Variants in SLC5A11 observed in about 807,000 individuals in gnomAD.
SLC5A11 encodes the protein sodium/myo-inositol cotransporter 2.
In SLC5A11, 48 loss-of-function variants were observed where a neutral mutation model predicts 69.8. The ratio of observed to expected loss-of-function variants is 0.69; its 90% CI spans 0.55 to 0.87. The LOEUF is 0.87. Ranked by LOEUF, SLC5A11 falls within the 40% of genes least tolerant of loss-of-function variation. The pLI, the probability that SLC5A11 is intolerant of heterozygous loss-of-function variation, is 0.00. For missense variants in SLC5A11, 784 were observed against 866.1 expected, an observed-to-expected ratio of 0.91 and a Z score of 1.19; for synonymous variants, 319 against 342.4, an observed-to-expected ratio of 0.93 and a Z score of 0.75.
At chr16:24,910,505 CAAG>C (rs753704297) in intron 15 of SLC5A11, 28 bp downstream of exon 16, 20 of 1,607,474 alleles carry the variant, frequency 1.2e-5, no homozygotes, top group Non-Finnish European at 1.6e-5. Flanking sequence ...TCAGTTACAG[CAAG>C]AAGGAGTACG....
chr16:24,907,269 C>A, intron 12 of SLC5A11, 94 bp downstream of exon 13: 2 of 1,423,234 alleles, frequency 1.4e-6, no homozygotes, highest in South Asian at 1.3e-5. Flanking sequence ...CCTATCCAGG[C>A]TGAAGAGCAT....
At chr16:24,911,617 T>C in exon 16 of SLC5A11, 2 of 1,368,154 alleles carry the variant, frequency 1.5e-6, no homozygotes, top group Admixed American at 3.7e-5. Flanking sequence ...AAAGCTTTTG[T>C]TTACCACAAG....
At chr16:24,875,171 GT>G (rs1183428237) in intron 5 of SLC5A11, among the ~76,000 whole-genome samples, 1 of 152,050 alleles carries the variant, frequency 6.6e-6, no homozygotes, top group Non-Finnish European at 1.5e-5. Flanking sequence ...CCTAGAATTT[GT>G]TTTTGTCTAC....
chr16:24,883,743 A>C (rs1355993932), intron 7 of SLC5A11, among the ~76,000 whole-genome samples: 1 of 152,206 alleles, frequency 6.6e-6, no homozygotes, highest in Non-Finnish European at 1.5e-5. Context: ...CAGGAGAGTA[A>C]GTGCAGAAGC....
intron 1 of SLC5A11, among the ~76,000 whole-genome samples, chr16:24,855,025 G>C (rs1344861593): frequency 3.3e-5 from 5 of 150,984 alleles, no homozygotes; most frequent in Non-Finnish European, 7.4e-5. Flanking sequence ...GCAGTGCAGT[G>C]GGGCAATCAT....
chr16:24,907,706 CA>C (rs34270068), intron 12 of SLC5A11, among the ~76,000 whole-genome samples: 30 of 145,552 alleles, frequency 2.1e-4, no homozygotes, highest in East Asian at 1.4e-3. Flanking sequence ...GACTCTGTCT[CA>C]AAAAAAAAAA....
At chr16:24,861,495 A>G (rs2059767279) in intron 2 of SLC5A11, among the ~76,000 whole-genome samples, 1 of 151,640 alleles carries the variant, frequency 6.6e-6, no homozygotes. Flanking sequence ...AGAAAGAAAG[A>G]GAGAGAAAGG....
chr16:24,858,653 G>A (rs753879267), exon 2 of SLC5A11: 10 of 1,609,488 alleles, frequency 6.2e-6, no homozygotes, highest in Middle Eastern at 2.2e-4. Context: ...CATGGAGAGC[G>A]GCACCAGCAG....
chr16:24,879,260 T>C (rs1223098059), intron 7 of SLC5A11, among the ~76,000 whole-genome samples: 1 of 152,056 alleles, frequency 6.6e-6, no homozygotes, highest in Non-Finnish European at 1.5e-5. Flanking sequence ...GGTTTGTTAA[T>C]AGGTATATTG....
intron 3 of SLC5A11, among the ~76,000 whole-genome samples, chr16:24,869,060 G>T (rs890897316): frequency 5.3e-5 from 8 of 151,938 alleles, no homozygotes; most frequent in African/African-American, 1.9e-4. Context: ...TGGAGACGGG[G>T]TTTCACCATG....
At chr16:24,864,985 G>C (rs1196713714) in intron 3 of SLC5A11, among the ~76,000 whole-genome samples, 4 of 152,030 alleles carry the variant, frequency 2.6e-5, no homozygotes, top group African/African-American at 4.8e-5. Context: ...AAGAGAAACA[G>C]AGTCTCAGAG....
intron 1 of SLC5A11, 63 bp from the exon 3 acceptor site, chr16:24,858,557 A>T: frequency 6.8e-7 from 1 of 1,472,180 alleles, no homozygotes; most frequent in Non-Finnish European, 9.2e-7. Context: ...GGAGGTAGCT[A>T]CAGAAAGGGT....
intron 3 of SLC5A11, among the ~76,000 whole-genome samples, chr16:24,863,851 T>G (rs1377210399): frequency 6.6e-6 from 1 of 152,076 alleles, no homozygotes; most frequent in Non-Finnish European, 1.5e-5. Context: ...ACTGAAGAGG[T>G]CAGAATGGGA....
intron 4 of SLC5A11, among the ~76,000 whole-genome samples, chr16:24,870,531 G>A (rs1460890902): frequency 6.6e-6 from 1 of 151,346 alleles, no homozygotes; most frequent in Non-Finnish European, 1.5e-5. Flanking sequence ...TGTAATCCCA[G>A]CACTTTGGGA....
intron 6 of SLC5A11, among the ~76,000 whole-genome samples, chr16:24,876,843 G>T (rs577544127): frequency 2.5e-4 from 38 of 152,192 alleles, no homozygotes; most frequent in Non-Finnish European, 4.6e-4. Context: ...GAAACAGAGG[G>T]TATTTCAGAG....
rs1443035551 is a variant in SLC5A11 at position 24,905,640 on chromosome 16, G to GCGCGCACA, written c.1007-1016_1007-1015insGCGCACAC. Among the ~76,000 whole-genome samples the GCGCGCACA allele has an allele frequency of 1.7e-3, 229 of 136,770 alleles. 1 individual carries two copies. Among genetic ancestry groups the GCGCGCACA allele is most frequent in the African/African-American group, 6.2e-3 (219 of 35,492 alleles). 89.7% of individuals were successfully genotyped at this position (136,770 alleles called of 152,430 possible). On this transcript the variant is annotated intron_variant, in intron 10 of 15. Coordinates refer to ENST00000347898, the Ensembl canonical transcript of SLC5A11. ...CCATCTCAAAAACACGCGCGCGCGCGCACACACACACACACACACACACAC... is the reference window on the plus strand; with the variant it reads ...CCATCTCAAAAACACGCGCGCGCGCGCGCGCACACACACACACACACACACACACACAC...
At chr16:24,855,413 G>A (rs1316558085) in intron 1 of SLC5A11, among the ~76,000 whole-genome samples, 1 of 138,098 alleles carries the variant, frequency 7.2e-6, no homozygotes, top group Admixed American at 7.8e-5. Flanking sequence ...ACCACCCTGA[G>A]CAACATAGAC....
At chr16:24,859,331 G>A (rs2059665303) in intron 2 of SLC5A11, 1 of 152,040 alleles carries the variant, frequency 6.6e-6, no homozygotes. Context: ...GTAGAAATGG[G>A]ATCTCAGTAT....
chr16:24,892,537 G>T (rs114574124), intron 9 of SLC5A11, among the ~76,000 whole-genome samples: 1,565 of 151,864 alleles, frequency 0.01, 33 homozygotes, highest in African/African-American at 0.036. Flanking sequence ...AAGAAGAGTG[G>T]ATACCTGTGG....
Sources: allele counts gnomAD v4.1 joint callset (sites outside exome capture counted in the v4.1 genomes callset), GRCh38; gene constraint gnomAD v4.1.1; transcripts MANE v1.5; gene names NCBI Gene and HGNC (gene_info 2026-07-23, HGNC 2026-07-21).